Variants in DAAM1 observed in about 807,000 individuals in gnomAD.
DAAM1 encodes the protein disheveled-associated activator of morphogenesis 1.
Under a neutral mutation model 130.0 loss-of-function variants are expected in DAAM1, and 52 were observed. That is an observed-to-expected ratio of 0.40 (90% CI 0.32 to 0.50). The LOEUF (loss-of-function observed/expected upper bound fraction) is 0.50, where lower values mean the gene tolerates loss of function less well. DAAM1 is among the 20% of genes least tolerant of loss of function. DAAM1 has a pLI of 0.61. For missense variants in DAAM1, 1,134 were observed against 1,303.8 expected (o/e 0.87, Z 2.01); for synonymous variants, 452 against 444.5 (o/e 1.02, Z -0.21).
rs1327681879 is a variant in DAAM1, at chr14:59,326,015, T to A, written c.1112T>A (p.Leu371Gln). 6.2e-7 allele frequency: 1 copy of A among 1,614,208 alleles called. No homozygotes were observed. Among genetic ancestry groups the A allele is most frequent in the Non-Finnish European group, 8.5e-7 (1 of 1,180,030 alleles). Residue 371 changes from leucine (L) to glutamine (Q), a missense_variant, in exon 10 of 25, where the codon CTG becomes CAG. Leu to Gln is a moderately radical substitution (Grantham distance 113). Transcript: ENST00000360909. ...TQMFELTRKRLTHSEAYPHFM... is the reference protein window; with the variant it reads ...TQMFELTRKRQTHSEAYPHFM... ...ATGTTTGAGCTGACCAGGAAGAGGCTGACACATAGTGAAGCTTACCCGCAT... is the reference window on the plus strand; with the variant it reads ...ATGTTTGAGCTGACCAGGAAGAGGCAGACACATAGTGAAGCTTACCCGCAT...
intron 2 of DAAM1, among the ~76,000 whole-genome samples, chr14:59,275,372 A>G (rs1447392091): frequency 2.0e-5 from 3 of 152,208 alleles, no homozygotes; most frequent in African/African-American, 4.8e-5. Flanking sequence ...CATCTGTACA[A>G]CAAACCGTGT....
At chr14:59,193,962 G>T (rs945549157) in intron 1 of DAAM1, among the ~76,000 whole-genome samples, 1 of 152,094 alleles carries the variant, frequency 6.6e-6, no homozygotes, top group Non-Finnish European at 1.5e-5. Flanking sequence ...CTTTCCATGG[G>T]CTACGTCATT....
At chr14:59,212,221 G>A (rs1386580257) in intron 1 of DAAM1, among the ~76,000 whole-genome samples, 1 of 152,162 alleles carries the variant, frequency 6.6e-6, no homozygotes, top group Non-Finnish European at 1.5e-5. Flanking sequence ...ATATGACAAA[G>A]TATGTGATCA....
Position 59,367,500 on chromosome 14 carries a change from TG to T in DAAM1, c.2899del (p.Asp967IlefsTer17). The T allele has an allele frequency of 6.2e-7, 1 of 1,613,968 alleles. No homozygotes were observed. Among genetic ancestry groups the T allele is most frequent in the Non-Finnish European group, 8.5e-7 (1 of 1,179,924 alleles). On this transcript the variant is annotated frameshift_variant, in exon 24 of 25. Transcript: ENST00000360909. LOFTEE classifies it high-confidence loss of function. Reference sequence around the variant, plus strand: ...AACCAGATGAGTTCTTTGGCATTTTTGATCAATTTCTTCAAGCTGTGTCAGA... The same window carrying T: ...AACCAGATGAGTTCTTTGGCATTTTTATCAATTTCTTCAAGCTGTGTCAGA... ...IQPDEFFGIF[D>X]QFLQAVSEAK...
At chr14:59,296,710 C>T (rs187405491) in intron 3 of DAAM1, among the ~76,000 whole-genome samples, 221 of 152,238 alleles carry the variant, frequency 1.5e-3, no homozygotes, top group Middle Eastern at 0.01. Context: ...GCTTTGATCC[C>T]GTGATCTAGA....
chr14:59,357,067 G>A (rs1245841804), intron 20 of DAAM1, among the ~76,000 whole-genome samples: 1 of 152,228 alleles, frequency 6.6e-6, no homozygotes, highest in African/African-American at 2.4e-5. Flanking sequence ...CTGGTAATGA[G>A]CAGGGAAGAA....
intron 3 of DAAM1, among the ~76,000 whole-genome samples, chr14:59,314,969 TGAC>T (rs1884729447): frequency 6.6e-6 from 1 of 152,188 alleles, no homozygotes; most frequent in South Asian, 2.1e-4. Flanking sequence ...CTGTCCAGTG[TGAC>T]ATAGCCCCTG....
At chr14:59,325,200 C>T (rs887185912) in intron 8 of DAAM1, among the ~76,000 whole-genome samples, 2 of 152,100 alleles carry the variant, frequency 1.3e-5, no homozygotes, top group Non-Finnish European at 1.5e-5. Flanking sequence ...TTTCCTTTAC[C>T]CTGATGTGTT....
rs1884739802 is a variant in DAAM1 at position 59,315,190 on chromosome 14, C to T, written c.274-90C>T. ...GTGTCTTCTAAAGGCTTGAGTGGGT[C>T]ATTGTCTGGGTGCTCTGGAAGTCGG... is the stretch of plus-strand genomic sequence containing the variant. On this transcript the variant is annotated intron_variant, in intron 3 of 24. Coordinates refer to ENST00000360909, the MANE Select transcript of DAAM1 (RefSeq NM_001270520.2). 1.8e-5 allele frequency: 20 copies of T among 1,125,924 alleles called. No homozygotes were observed. The South Asian group carries it at 2.3e-4, about 13-fold the overall frequency. 69.7% of individuals were successfully genotyped at this position (1,125,924 alleles called of 1,614,324 possible). A position where few individuals can be genotyped will look rare whatever the true frequency, so the allele number is the denominator to read the frequency against.
intron 24 of DAAM1, 52 bp downstream of exon 24, chr14:59,367,651 C>T (rs748661168): frequency 1.9e-6 from 3 of 1,572,262 alleles, no homozygotes; most frequent in Non-Finnish European, 8.6e-7. Flanking sequence ...TCTATGACTG[C>T]AGCCCAGTCA....
chr14:59,230,110 C>A (rs975318207), intron 1 of DAAM1, among the ~76,000 whole-genome samples: 3 of 152,114 alleles, frequency 2.0e-5, no homozygotes, highest in Non-Finnish European at 1.5e-5. Flanking sequence ...ACAACAGATC[C>A]GTCATTTCTC....
At chr14:59,228,003 T>G (rs747879854) in intron 1 of DAAM1, among the ~76,000 whole-genome samples, 30 of 152,216 alleles carry the variant, frequency 2.0e-4, no homozygotes, top group Non-Finnish European at 1.8e-4. Flanking sequence ...AAAGACAACT[T>G]AGAGCATAGA....
rs150739772 is a variant in DAAM1, at chr14:59,349,400, C to T, written c.2160+1777C>T. On this transcript the variant is annotated intron_variant, in intron 17 of 24. Coordinates refer to ENST00000360909, the MANE Select transcript of DAAM1 (RefSeq NM_001270520.2). ...CTTCAAATAAATGCAAGAAATAAAA[C>T]CAGTCTACTGAAGCAGAATCTGGAC... Among the ~76,000 whole-genome samples the T allele has an allele frequency of 1.3e-3, 200 of 152,368 alleles. 2 individuals carry two copies. The highest frequency in any genetic ancestry group is 4.7e-3 in the African/African-American group (195 of 41,592).
chr14:59,309,197 A>G (rs1319997492), intron 3 of DAAM1, among the ~76,000 whole-genome samples: 2 of 152,220 alleles, frequency 1.3e-5, no homozygotes, highest in African/African-American at 4.8e-5. Context: ...AAAAAGGAAG[A>G]GCCAGATGGA....
At position 59,302,881 on chromosome 14, in the gene DAAM1, T is replaced by C. The variant is rs550061267; in HGVS notation, c.273+11575T>C. Among the ~76,000 whole-genome samples, 4 of 152,316 alleles carry C rather than the reference T, an allele frequency of 2.6e-5. No individual in the cohort carries two copies. In the South Asian group the frequency reaches 8.3e-4, roughly 32 times the overall value. On this transcript the variant is annotated intron_variant, in intron 3 of 24. Coordinates refer to ENST00000360909, the MANE Select transcript of DAAM1 (RefSeq NM_001270520.2). The stretch of plus-strand genomic sequence containing the variant: ...GTTGGTCAGGCTGGTCTCGAAGTCC[T>C]GACCTCAGGTGATCTACCCGCCTTG...
chr14:59,330,843 T>C (rs940872744), intron 13 of DAAM1, among the ~76,000 whole-genome samples, 155 bp downstream of exon 13: 1 of 152,188 alleles, frequency 6.6e-6, no homozygotes, highest in Middle Eastern at 3.2e-3. Context: ...TGCTATCATG[T>C]AGGCAGCAGA....
At chr14:59,291,494 T>C in intron 3 of DAAM1, 188 bp downstream of exon 3, 3 of 547,384 alleles carry the variant, frequency 5.5e-6, no homozygotes, top group South Asian at 2.3e-5. Context: ...CAGTACTTCA[T>C]TGGGCTCTTT....
chr14:59,302,761 C>T (rs1057105966), intron 3 of DAAM1, among the ~76,000 whole-genome samples: 4 of 152,164 alleles, frequency 2.6e-5, no homozygotes, highest in African/African-American at 9.7e-5. Flanking sequence ...TCATGTAATT[C>T]TCCTGCCTCA....
chr14:59,248,099 T>C (rs1881474185), intron 1 of DAAM1, among the ~76,000 whole-genome samples: 1 of 152,224 alleles, frequency 6.6e-6, no homozygotes, highest in Non-Finnish European at 1.5e-5. Context: ...GTAGGAGTAA[T>C]AATTTAAAAT....
Sources: gnomAD v4.1 joint callset for allele counts (sites outside exome capture counted in the v4.1 genomes callset) on GRCh38, gnomAD v4.1.1 for gene constraint, MANE v1.5 for transcripts, NCBI Gene and HGNC (gene_info 2026-07-23, HGNC 2026-07-21) for gene names.